CHD9: variants seen among roughly 807,000 people sequenced by gnomAD.
The protein encoded by CHD9 is ATP-dependent chromatin remodeler CHD9.
A neutral mutation model predicts 316.1 loss-of-function variants in CHD9; 77 were observed. That is an observed-to-expected ratio of 0.24 (90% confidence interval 0.20 to 0.29). The LOEUF (loss-of-function observed/expected upper bound fraction) is 0.29. CHD9 is among the 10% of genes least tolerant of loss of function. The probability of loss-of-function intolerance (pLI) is 1.00; values close to 1 mark genes in which losing one functional copy is unlikely to be tolerated. For missense variants in CHD9, 2,763 were observed against 3,438.1 expected (o/e 0.80, Z 4.91); for synonymous variants, 1,129 against 1,158.3 (o/e 0.97, Z 0.51).
At chr16:53,201,538 T>C (rs2045455811) in intron 2 of CHD9, among the ~76,000 whole-genome samples, 1 of 152,212 alleles carries the variant, frequency 6.6e-6, no homozygotes, top group African/African-American at 2.4e-5. Flanking sequence ...TTTTAGTCCT[T>C]GTTGCTTATC....
intron 1 of CHD9, among the ~76,000 whole-genome samples, chr16:53,107,020 C>T (rs2037412102): frequency 6.6e-6 from 1 of 152,188 alleles, no homozygotes; most frequent in Non-Finnish European, 1.5e-5. Context: ...CACTACCACA[C>T]ACACAAAAAG....
chr16:53,175,515 C>A (rs888119385), intron 2 of CHD9, among the ~76,000 whole-genome samples: 2 of 152,196 alleles, frequency 1.3e-5, no homozygotes, highest in African/African-American at 4.8e-5. Flanking sequence ...AATCTGGTCC[C>A]TATTACTCCA....
At chr16:53,251,585 G>T (rs2050131725) in intron 17 of CHD9, among the ~76,000 whole-genome samples, 1 of 152,102 alleles carries the variant, frequency 6.6e-6, no homozygotes, top group African/African-American at 2.4e-5. Flanking sequence ...GAACATTAGT[G>T]CCCCCTATAT....
In CHD9 at chr16:53,324,426, A is replaced by G; in HGVS notation, c.8225A>G (p.Lys2742Arg). The change falls in exon 39 of 39, where the codon AAA becomes AGA. Residue 2742 changes from lysine to arginine, a missense_variant. Lys to Arg is a conservative substitution (Grantham distance 26, BLOSUM62 2). Around this residue, in one of 15 missense-constraint regions of CHD9, gnomAD observed 298 missense variants for 380.2 expected, o/e 0.78. Coordinates refer to ENST00000447540, the MANE Select transcript of CHD9 (RefSeq NM_001308319.2). ...CCTACGGAATCTGGGACAGAAGACA[A>G]AAAGGGAAGTGACTCTAAGGAGTCA... ...TKPTESGTED[K>R]KGSDSKESEG... The G allele has an allele frequency of 6.2e-7, 1 of 1,614,018 alleles. No homozygotes were observed. Among genetic ancestry groups the G allele is most frequent in the Non-Finnish European group, 8.5e-7 (1 of 1,179,894 alleles).
At chr16:53,125,515 C>T (rs1447886127) in intron 1 of CHD9, among the ~76,000 whole-genome samples, 7 of 152,196 alleles carry the variant, frequency 4.6e-5, no homozygotes, top group Admixed American at 6.5e-5. Context: ...GGATTACAGG[C>T]ATGAGCCACT....
intron 19 of CHD9, among the ~76,000 whole-genome samples, chr16:53,260,667 A>G (rs1047657363): frequency 1.3e-5 from 2 of 152,152 alleles, no homozygotes; most frequent in Non-Finnish European, 2.9e-5. Context: ...CAGGGATAAA[A>G]TCAAGGTGTC....
At chr16:53,138,045 T>C (rs1193280799) in intron 1 of CHD9, among the ~76,000 whole-genome samples, 2 of 152,096 alleles carry the variant, frequency 1.3e-5, no homozygotes, top group East Asian at 1.9e-4. Context: ...GGGGGAAATA[T>C]GACAAAGATC....
At chr16:53,087,301 A>T (rs2035543868) in intron 1 of CHD9, among the ~76,000 whole-genome samples, 1 of 152,106 alleles carries the variant, frequency 6.6e-6, no homozygotes, top group South Asian at 2.1e-4. Flanking sequence ...GGGCACACGG[A>T]GCAGAGAACA....
Position 53,245,956 on chromosome 16 carries a change from G to A in CHD9, c.3454+106G>A, listed in dbSNP as rs2049548261. On this transcript the variant is annotated intron_variant, in intron 15 of 38. Transcript: ENST00000447540. This position sits in a 1 kb window ranked among gnomAD's most constrained non-coding sequence, Gnocchi z 4.1. ...GTAGTGGCTGTTATGACTCTCCACT[G>A]TGATATTCTAAGGAATTACAAGTGT... 1 of 752,232 alleles carries A rather than the reference G, an allele frequency of 1.3e-6. No individual in the cohort carries two copies. The highest frequency in any genetic ancestry group is 1.9e-6 in the Non-Finnish European group (1 of 515,018). The allele number at this position is 752,232 out of a possible 1,614,324, so 46.6% of individuals were successfully genotyped here.
At chr16:53,064,223 G>C (rs1253536479) in intron 1 of CHD9, among the ~76,000 whole-genome samples, 1 of 152,124 alleles carries the variant, frequency 6.6e-6, no homozygotes, top group Non-Finnish European at 1.5e-5. Context: ...ACAGAGAACT[G>C]GTTGGCCTTC....
intron 22 of CHD9, among the ~76,000 whole-genome samples, chr16:53,269,141 A>G (rs1286994495): frequency 6.6e-6 from 1 of 152,116 alleles, no homozygotes; most frequent in African/African-American, 2.4e-5. Context: ...GCTGTCCAAA[A>G]TGGTTATGCC....
At position 53,087,746 on chromosome 16, in the gene CHD9, G is replaced by A. The variant is rs545481312; in HGVS notation, c.-165+32669G>A. On this transcript the variant is annotated intron_variant, in intron 1 of 38. Coordinates refer to ENST00000447540, the MANE Select transcript of CHD9 (RefSeq NM_001308319.2). ...GAGGATCACTTGAGGTCAGGAGTTCGAGACCAGCCTGGCCAACATGATGAA... is the reference window on the plus strand; with the variant it reads ...GAGGATCACTTGAGGTCAGGAGTTCAAGACCAGCCTGGCCAACATGATGAA... 6.6e-5 allele frequency among the ~76,000 whole-genome samples: 10 copies of A among 152,096 alleles called. No homozygotes were observed. The East Asian group carries it at 7.7e-4, about 12-fold the overall frequency.
chr16:53,292,890 C>T lies in CHD9; in HGVS notation c.5348C>T (p.Thr1783Ile). 1.9e-6 allele frequency: 3 copies of T among 1,613,708 alleles called. No homozygotes were observed. The highest frequency in any genetic ancestry group is 2.5e-6 in the Non-Finnish European group (3 of 1,179,852). ...TGGCCTACTCAATCAGCTTTAACCA[C>T]ACGTTTGAGGCGTCTCATCACTGCA... ...VYWPTQSALT[T>I]RLRRLITAYQ... The change falls in exon 29 of 39, where the codon ACA becomes ATA. Residue 1783 changes from threonine to isoleucine, a missense_variant. This residue lies in a region of CHD9 where 183 missense variants were observed against 258.5 expected (regional missense o/e 0.71). Transcript: ENST00000447540.
At position 53,209,595 on chromosome 16, in the gene CHD9, G is replaced by A; in HGVS notation, c.1566G>A (p.Lys522=). 1 of 1,613,876 alleles carries A rather than the reference G, an allele frequency of 6.2e-7. No individual in the cohort carries two copies. The highest frequency in any genetic ancestry group is 8.5e-7 in the Non-Finnish European group (1 of 1,179,820). The change falls in exon 3 of 39, where the codon AAG becomes AAA. Residue 522 remains lysine (K), a synonymous_variant. Transcript: ENST00000447540. ...GAAAAAAGGTGGAATCAGAAAGCAAGCAAGAAAAGGCTAATCGTATAATAT... is the reference window on the plus strand; with the variant it reads ...GAAAAAAGGTGGAATCAGAAAGCAAACAAGAAAAGGCTAATCGTATAATAT... ...KQRKKVESES[K]QEKANRIISE... is the part of the protein sequence containing the mutation.
intron 22 of CHD9, among the ~76,000 whole-genome samples, chr16:53,272,646 A>G (rs945200646): frequency 6.6e-6 from 1 of 152,184 alleles, no homozygotes; most frequent in Non-Finnish European, 1.5e-5. Context: ...AACCAGGATA[A>G]ATTTTTTAAA....
At position 53,245,390 on chromosome 16, in the gene CHD9, T is replaced by C. The variant is rs766654468; in HGVS notation, c.3109T>C (p.Phe1037Leu). 4 of 1,591,894 alleles carry C rather than the reference T, an allele frequency of 2.5e-6. No homozygotes were observed. Among genetic ancestry groups the C allele is most frequent in the Admixed American group, 1.8e-5 (1 of 55,488 alleles). Reference sequence around the variant, plus strand: ...TCTCCAAAATACAGTTGAAGAACTATTTAGTCTTCTTCACTTTCTTGAACC... The same window carrying C: ...TCTCCAAAATACAGTTGAAGAACTACTTAGTCTTCTTCACTTTCTTGAACC... ...TPLQNTVEELFSLLHFLEPLR... is the reference protein window; with the variant it reads ...TPLQNTVEELLSLLHFLEPLR... Residue 1037 changes from phenylalanine (F) to leucine (L), a missense_variant, in exon 14 of 39, where the codon TTT (phenylalanine) becomes CTT (leucine). By Grantham distance (22) the Phe-to-Leu change is conservative (BLOSUM62 0). This residue lies in a region of CHD9 where 155 missense variants were observed against 291.8 expected (regional missense o/e 0.53). Transcript: ENST00000447540. The surrounding 1 kb of genome is among the most constrained non-coding windows in gnomAD (Gnocchi z 4.1).
At chr16:53,265,021 A>G (rs2051512951) in intron 20 of CHD9, among the ~76,000 whole-genome samples, 2 of 152,198 alleles carry the variant, frequency 1.3e-5, no homozygotes. Context: ...GTAACATTTT[A>G]AAGTTTATAC....
At chr16:53,206,269 T>G (rs2045888590) in intron 2 of CHD9, among the ~76,000 whole-genome samples, 1 of 151,944 alleles carries the variant, frequency 6.6e-6, no homozygotes, top group African/African-American at 2.4e-5. Context: ...TACCTTTTCT[T>G]GGTCGAGAAA....
chr16:53,274,190 G>A, intron 23 of CHD9, 23 bp from the exon 24 acceptor site: 1 of 1,462,456 alleles, frequency 6.8e-7, no homozygotes, highest in Non-Finnish European at 9.5e-7. Context: ...TTATGCCTTT[G>A]ATTTATTTTC....
Sources: allele counts gnomAD v4.1 joint callset (sites outside exome capture counted in the v4.1 genomes callset), GRCh38; gene constraint gnomAD v4.1.1; regional missense constraint gnomAD v4.1.1; non-coding constraint Gnocchi (gnomAD v3.1); transcripts MANE v1.5; gene names NCBI Gene and HGNC (gene_info 2026-07-23, HGNC 2026-07-21).